PROCR: variants seen among roughly 807,000 people sequenced by gnomAD.
PROCR encodes endothelial protein C receptor.
A neutral mutation model predicts 24.2 loss-of-function variants in PROCR; 22 were observed. The ratio of observed to expected loss-of-function variants is 0.91; its 90% CI spans 0.65 to 1.30. PROCR has a LOEUF of 1.30. Ranked by LOEUF, PROCR falls within the 50% of genes most tolerant of loss-of-function variation. PROCR has a pLI of 0.00. For synonymous variants in PROCR, 137 were observed against 139.2 expected (o/e 0.98, Z 0.11); for missense variants, 288 against 307.7 (o/e 0.94, Z 0.48).
intron 1 of PROCR, among the ~76,000 whole-genome samples, chr20:35,212,477 C>T (rs1281868210): frequency 1.3e-5 from 2 of 152,146 alleles, no homozygotes; most frequent in African/African-American, 4.8e-5. Context: ...GTAGCAGGTC[C>T]TGCAAGAGGG....
At chr20:35,172,344 T>G (rs1410341155) in intron 1 of PROCR, 120 bp downstream of exon 1, 24 of 1,268,400 alleles carry the variant, frequency 1.9e-5, no homozygotes, top group Non-Finnish European at 2.7e-5. Context: ...GCTGGCTAGA[T>G]CTCTCTACAG....
intron 1 of PROCR, among the ~76,000 whole-genome samples, chr20:35,194,570 A>G (rs573776635): frequency 6.6e-6 from 1 of 152,312 alleles, no homozygotes; most frequent in East Asian, 1.9e-4. Context: ...GGAAAGAGCT[A>G]GAGAAAGGGA....
At chr20:35,182,973 C>CAAA (rs71333786) in intron 1 of PROCR, among the ~76,000 whole-genome samples, 7 of 110,764 alleles carry the variant, frequency 6.3e-5, no homozygotes, top group Non-Finnish European at 1.2e-4. Flanking sequence ...GACTCCGTCT[C>CAAA]AAAAAAAAAA....
intron 1 of PROCR, among the ~76,000 whole-genome samples, chr20:35,188,653 A>G (rs1233354755): frequency 2.6e-5 from 4 of 152,238 alleles, no homozygotes. Context: ...GGGGAATGCT[A>G]AATGGTCTGA....
At chr20:35,197,128 T>A (rs2086222913) in intron 1 of PROCR, among the ~76,000 whole-genome samples, 1 of 152,196 alleles carries the variant, frequency 6.6e-6, no homozygotes, top group Non-Finnish European at 1.5e-5. Flanking sequence ...TTCAAACTTG[T>A]TTTTTCTTTT....
At chr20:35,213,421 T>A (rs1304560528) in intron 1 of PROCR, among the ~76,000 whole-genome samples, 1 of 152,212 alleles carries the variant, frequency 6.6e-6, no homozygotes, top group East Asian at 1.9e-4. Flanking sequence ...GTCTTTTTCT[T>A]ATTGGTTTAT....
intron 1 of PROCR, among the ~76,000 whole-genome samples, chr20:35,194,446 AAG>A (rs1202945153): frequency 6.6e-6 from 1 of 152,140 alleles, no homozygotes; most frequent in Non-Finnish European, 1.5e-5. Context: ...ACACAAGAAA[AAG>A]AGAGGGCAGT....
chr20:35,181,272 A>AATTTT (rs1555790208), downstream of PROCR, among the ~76,000 whole-genome samples: 14,403 of 150,540 alleles, frequency 0.096, 1,879 homozygotes, highest in African/African-American at 0.3. Context: ...ATTTTAATTT[A>AATTTT]ATTTTATTTT....
downstream of PROCR, among the ~76,000 whole-genome samples, chr20:35,181,012 A>G (rs1162988683): frequency 5.9e-5 from 9 of 151,990 alleles, no homozygotes; most frequent in African/African-American, 2.2e-4. Flanking sequence ...GATTACAGGC[A>G]TGTGCCACCA....
intron 1 of PROCR, among the ~76,000 whole-genome samples, chr20:35,214,217 T>A (rs1231606977): frequency 6.6e-6 from 1 of 152,248 alleles, no homozygotes; most frequent in Non-Finnish European, 1.5e-5. Flanking sequence ...CTATTTTATG[T>A]GTAAATGAGC....
At chr20:35,172,651 T>G (rs1319543486) in intron 1 of PROCR, among the ~76,000 whole-genome samples, 1 of 149,462 alleles carries the variant, frequency 6.7e-6, no homozygotes, top group East Asian at 2.0e-4. Flanking sequence ...GGGGGAAGAG[T>G]GGGGCAGAGA....
chr20:35,202,473 A>C (rs1164466858), intron 1 of PROCR: 1 of 141,350 alleles, frequency 7.1e-6, no homozygotes, highest in African/African-American at 2.5e-5. Context: ...AAAAAAGACA[A>C]AGATTATCGG....
In PROCR at chr20:35,177,035, T is replaced by A; in HGVS notation, c.*222T>A. ...GCTAAGAACCTAAGAACGTGTATGC[T>A]TTGCTGAATTAGTCTGATAAGTGAA... On this transcript the variant is annotated 3_prime_UTR_variant, in exon 4 of 4. Coordinates refer to ENST00000216968, the MANE Select transcript of PROCR (RefSeq NM_006404.5). 2.2e-6 allele frequency: 3 copies of A among 1,359,830 alleles called. No homozygotes were observed. The highest frequency in any genetic ancestry group is 2.9e-6 in the Non-Finnish European group (3 of 1,052,106). The allele number at this position is 1,359,830 out of a possible 1,614,324, so 84.2% of individuals were successfully genotyped here.
intron 1 of PROCR, among the ~76,000 whole-genome samples, chr20:35,204,163 G>A (rs2146174932): frequency 6.6e-6 from 1 of 152,232 alleles, no homozygotes; most frequent in East Asian, 1.9e-4. Flanking sequence ...ATGCTCATAA[G>A]TTTGACAACT....
At chr20:35,181,754 T>G (rs2086081181), downstream of PROCR, among the ~76,000 whole-genome samples, 2 of 152,154 alleles carry the variant, frequency 1.3e-5, no homozygotes, top group African/African-American at 4.8e-5. Flanking sequence ...AAATCCTTAC[T>G]CCAGAGGTAT....
downstream of PROCR, among the ~76,000 whole-genome samples, chr20:35,180,758 G>A (rs1189879460): frequency 6.6e-6 from 1 of 152,102 alleles, no homozygotes; most frequent in East Asian, 1.9e-4. Flanking sequence ...CTAAGAAATT[G>A]CCTCTAATTT....
chr20:35,176,557 G>T, intron 3 of PROCR, 111 bp downstream of exon 3: 1 of 1,597,668 alleles, frequency 6.3e-7, no homozygotes, highest in Non-Finnish European at 8.5e-7. Flanking sequence ...ACAGCTGGGG[G>T]TTTGGGACAG....
intron 3 of PROCR, 125 bp from the exon 4 acceptor site, chr20:35,176,573 A>G (rs1360905934): frequency 6.3e-7 from 1 of 1,590,074 alleles, no homozygotes; most frequent in Non-Finnish European, 8.6e-7. Flanking sequence ...GACAGAACAC[A>G]CGCAGCTTCA....
downstream of PROCR, among the ~76,000 whole-genome samples, chr20:35,178,414 T>TACA (rs2086043632): frequency 2.0e-5 from 1 of 49,818 alleles, no homozygotes; most frequent in Non-Finnish European, 3.4e-5. Flanking sequence ...TTTTTAATTC[T>TACA]AAAAAAAAAA....
Sources: allele counts gnomAD v4.1 joint callset (sites outside exome capture counted in the v4.1 genomes callset), GRCh38; gene constraint gnomAD v4.1.1; transcripts MANE v1.5; gene names NCBI Gene and HGNC (gene_info 2026-07-23, HGNC 2026-07-21).